The following MRPL20 variants were observed in gnomAD, a reference collection of about 807,000 sequenced individuals.
MRPL20 encodes large ribosomal subunit protein bL20m.
MRPL20 carries 21 observed loss-of-function variants against 20.0 expected under a neutral mutation model. The observed-to-expected ratio is 1.05, with a 90% CI of 0.74 to 1.51. The LOEUF (loss-of-function observed/expected upper bound fraction) is 1.51, where lower values mean the gene tolerates loss of function less well. Ranked by LOEUF, MRPL20 falls within the 40% of genes most tolerant of loss-of-function variation. MRPL20 has a pLI of 0.00. For synonymous variants in MRPL20, 104 were observed against 73.0 expected (o/e 1.43, Z -2.17); for missense variants, 252 against 185.6 (o/e 1.36, Z -2.08).
In MRPL20 at chr1:1,406,912, C is replaced by A. The variant is rs757664432; in HGVS notation, c.195G>T (p.Arg65Ser). 2 of 1,612,478 alleles carry A rather than the reference C, an allele frequency of 1.2e-6. No homozygotes were observed. The highest frequency in any genetic ancestry group is 2.2e-5 in the South Asian group (2 of 91,060). ...GGTGTCCCGGGTCCACGCTTACGGT[C>A]CTCATGTTCTTTTTCTTCAGGTATC... ...KARYLKKKNMRTLWINRITAA... is the reference protein window; with the variant it reads ...KARYLKKKNMSTLWINRITAA... The change falls in exon 2 of 4, where the codon AGG becomes AGT. Residue 65 changes from arginine to serine, a missense_variant. Coordinates refer to ENST00000344843, the MANE Select transcript of MRPL20 (RefSeq NM_017971.4).
In MRPL20 at chr1:1,407,227, AG is replaced by A. The variant is rs1490879731; in HGVS notation, c.-11del. ...CGGTGAGGAAGACCATGGCGCCTGC[AG>A]GCCGGCGTCCCGAACACTCAACAAC... is the stretch of plus-strand genomic sequence containing the variant. On this transcript the variant is annotated 5_prime_UTR_variant, in exon 1 of 4. Transcript: ENST00000344843. 3.8e-6 allele frequency: 6 copies of A among 1,589,830 alleles called. No homozygotes were observed. In the East Asian group the frequency reaches 1.1e-4, roughly 30 times the overall value.
chr1:1,404,106 A>G (rs1645360359), intron 3 of MRPL20, among the ~76,000 whole-genome samples: 1 of 151,464 alleles, frequency 6.6e-6, no homozygotes, highest in Admixed American at 6.6e-5. Flanking sequence ...CTGCCTCTCA[A>G]CATACTGGGA....
At position 1,407,272 on chromosome 1, in the gene MRPL20, C is replaced by G; in HGVS notation, c.-55G>C. 6.8e-7 allele frequency: 1 copy of G among 1,463,352 alleles called. No homozygotes were observed. The highest frequency in any genetic ancestry group is 9.3e-7 in the Non-Finnish European group (1 of 1,070,708). The allele number at this position is 1,463,352 out of a possible 1,614,324, so 90.6% of individuals were successfully genotyped here. On this transcript the variant is annotated 5_prime_UTR_variant, in exon 1 of 4. Transcript: ENST00000344843. ...CAACAACGCACGCGCAGCGCCGCTG[C>G]CATCTTGCCCGGGTCGGAAATGGTG...
intron 3 of MRPL20, chr1:1,402,718 C>CT: frequency 1.3e-6 from 1 of 796,024 alleles, no homozygotes; most frequent in Non-Finnish European, 1.5e-6. Context: ...GGCACGGTGT[C>CT]TCGCCTGTAA....
chr1:1,402,370 G>A, intron 3 of MRPL20, 114 bp from the exon 4 acceptor site: 1 of 1,438,618 alleles, frequency 7.0e-7, no homozygotes, highest in Non-Finnish European at 9.1e-7. Flanking sequence ...TGGGGGGAGG[G>A]AAGGCCTAGG....
At position 1,405,825 on chromosome 1, in the gene MRPL20, A is replaced by G. The variant is rs200566000; in HGVS notation, c.260T>C (p.Ile87Thr). Residue 87 changes from isoleucine to threonine, a missense_variant, in exon 3 of 4, where the codon ATT becomes ACT. Ile to Thr is a moderately conservative substitution (Grantham distance 89). Coordinates refer to ENST00000344843, the MANE Select transcript of MRPL20 (RefSeq NM_017971.4). ...CACCCATACCTTAACTAAATTCCCA[A>G]TGAGCGCTGGATACTTCAGTCCATG... Reference protein sequence around the residue: ...QEHGLKYPALIGNLVKCQVEL... With the variant: ...QEHGLKYPALTGNLVKCQVEL... The G allele has an allele frequency of 2.7e-5, 44 of 1,614,160 alleles. No individual in the cohort carries two copies. The East Asian group carries it at 5.3e-4, about 20-fold the overall frequency.
rs1254250911 is a variant in MRPL20, at chr1:1,405,793, A to C, written c.276+16T>G. 1.5e-5 allele frequency: 25 copies of C among 1,614,026 alleles called. No individual in the cohort carries two copies. Among genetic ancestry groups the C allele is most frequent in the Non-Finnish European group, 1.9e-5 (23 of 1,180,044 alleles). ...GATGTCCAGAATTTCAGTGGGACCC[A>C]CATACTCACCCATACCTTAACTAAA... On this transcript the variant is annotated intron_variant, in intron 3 of 3. Transcript: ENST00000344843.
intron 3 of MRPL20, among the ~76,000 whole-genome samples, chr1:1,404,753 C>T (rs1645367309): frequency 6.6e-6 from 1 of 152,156 alleles, no homozygotes; most frequent in African/African-American, 2.4e-5. Context: ...TCCGCCTCAG[C>T]CTTCCAAAGT....
At chr1:1,405,586 G>C (rs1272724690) in intron 3 of MRPL20, 2 of 770,458 alleles carry the variant, frequency 2.6e-6, no homozygotes, top group Non-Finnish European at 4.4e-6. Flanking sequence ...CCCCTCCTTA[G>C]GCAACGTGGT....
rs147211401 is a variant in MRPL20, at chr1:1,402,237, C to A, written c.296G>T (p.Arg99Met). 19 of 1,612,570 alleles carry A rather than the reference C, an allele frequency of 1.2e-5. No homozygotes were observed. The African/African-American group carries it at 2.5e-4, about 22-fold the overall frequency. Residue 99 changes from arginine to methionine, a missense_variant, in exon 4 of 4, where the codon AGG becomes ATG. By Grantham distance (91) the Arg-to-Met change is moderately conservative. Transcript: ENST00000344843. ...GATGGCCAGATCCGCTAGGACTTTC[C>A]TGTTGAGCTCCACCTGGCACTGAAA... ...NLVKCQVELN[R>M]KVLADLAIYE... is the part of the protein sequence containing the mutation.
At position 1,402,121 on chromosome 1, in the gene MRPL20, G is replaced by T. The variant is rs1645336110; in HGVS notation, c.412C>A (p.Pro138Thr). The T allele has an allele frequency of 3.7e-6, 6 of 1,613,942 alleles. No homozygotes were observed. The highest frequency in any genetic ancestry group is 5.1e-6 in the Non-Finnish European group (6 of 1,180,012). ...ACCACTCTGGAAAAAATGCCTTCAGGTTCCTTCCCATCCCCCAAGGCAGCA... is the reference window on the plus strand; with the variant it reads ...ACCACTCTGGAAAAAATGCCTTCAGTTTCCTTCCCATCCCCCAAGGCAGCA... Reference protein sequence around the residue: ...FAAALGDGKEPEGIFSRVVQY... With the variant: ...FAAALGDGKETEGIFSRVVQY... The change falls in exon 4 of 4, where the codon CCT (proline) becomes ACT (threonine). Residue 138 changes from proline (P) to threonine (T), a missense_variant. By Grantham distance (38) the Pro-to-Thr change is conservative (BLOSUM62 -1). Coordinates refer to ENST00000344843, the MANE Select transcript of MRPL20 (RefSeq NM_017971.4).
chr1:1,406,574 G>T, intron 2 of MRPL20: 1 of 368,670 alleles, frequency 2.7e-6, no homozygotes, highest in Non-Finnish European at 5.2e-6. Context: ...GGGCTGGGTT[G>T]ACTTCAGCTG....
At chr1:1,403,727 A>G (rs984023001) in intron 3 of MRPL20, among the ~76,000 whole-genome samples, 1 of 152,166 alleles carries the variant, frequency 6.6e-6, no homozygotes, top group Non-Finnish European at 1.5e-5. Flanking sequence ...CAGATTCAGT[A>G]ATCACCAAGA....
At position 1,402,194 on chromosome 1, in the gene MRPL20, G is replaced by T; in HGVS notation, c.339C>A (p.Phe113Leu). ...ADLAIYEPKTFKSLAALASRR... is the reference protein window; with the variant it reads ...ADLAIYEPKTLKSLAALASRR... ...TACTGGCCAAGGCAGCCAAAGATTTGAAAGTCTTTGGCTCGTAGATGGCCA... is the reference window on the plus strand; with the variant it reads ...TACTGGCCAAGGCAGCCAAAGATTTTAAAGTCTTTGGCTCGTAGATGGCCA... Residue 113 changes from phenylalanine to leucine, a missense_variant, in exon 4 of 4, where the codon TTC becomes TTA. By Grantham distance (22) the Phe-to-Leu change is conservative. Transcript: ENST00000344843. 6.2e-7 allele frequency: 1 copy of T among 1,614,054 alleles called. No homozygotes were observed. Among genetic ancestry groups the T allele is most frequent in the Non-Finnish European group, 8.5e-7 (1 of 1,180,012 alleles).
At position 1,406,992 on chromosome 1, in the gene MRPL20, A is replaced by T; in HGVS notation, c.115T>A (p.Tyr39Asn). ...RHFRGRKNRC[Y>N]RLAVRTVIRA... ...ATCACGGTTCTGACCGCCAACCTGT[A>T]GCAGCGATTTTTCCTTCCCCGGAAG... Residue 39 changes from tyrosine to asparagine, a missense_variant, in exon 2 of 4, where the codon TAC becomes AAC. Coordinates refer to ENST00000344843, the MANE Select transcript of MRPL20 (RefSeq NM_017971.4). The T allele has an allele frequency of 6.2e-7, 1 of 1,613,822 alleles. No homozygotes were observed. The highest frequency in any genetic ancestry group is 8.5e-7 in the Non-Finnish European group (1 of 1,179,768).
At chr1:1,405,553 C>A in intron 3 of MRPL20, 1 of 646,538 alleles carries the variant, frequency 1.5e-6, no homozygotes, top group Non-Finnish European at 2.8e-6. Context: ...TGACCTGCTC[C>A]GTTTCCAGCC....
chr1:1,405,450 A>AT, intron 3 of MRPL20: 1 of 592,396 alleles, frequency 1.7e-6, no homozygotes, highest in Non-Finnish European at 3.0e-6. Context: ...AGCAAATTTT[A>AT]TTTTTTTGTA....
At chr1:1,407,040 C>T in intron 1 of MRPL20, 21 bp from the exon 2 acceptor site, 1 of 1,612,096 alleles carries the variant, frequency 6.2e-7, no homozygotes, top group Non-Finnish European at 8.5e-7. Flanking sequence ...AAACGAGAAA[C>T]CAGGGTTGTC....
rs992281060 is a variant in MRPL20, at chr1:1,402,482, C to G, written c.277-226G>C. 3 of 1,301,590 alleles carry G rather than the reference C, an allele frequency of 2.3e-6. No homozygotes were observed. In the African/African-American group the frequency reaches 4.5e-5, roughly 20 times the overall value. 80.6% of individuals were successfully genotyped at this position (1,301,590 alleles called of 1,614,324 possible). A position where few individuals can be genotyped will look rare whatever the true frequency, so the allele number is the denominator to read the frequency against. The stretch of plus-strand genomic sequence containing the variant: ...AGCACCTGTGGAATCTGCAGGGAGG[C>G]TGGACTCCAGTCCTGATGTCGGCCC... On this transcript the variant is annotated intron_variant, in intron 3 of 3. Coordinates refer to ENST00000344843, the MANE Select transcript of MRPL20 (RefSeq NM_017971.4).
Sources: gnomAD v4.1 joint callset for allele counts (sites outside exome capture counted in the v4.1 genomes callset) on GRCh38, gnomAD v4.1.1 for gene constraint, MANE v1.5 for transcripts, NCBI Gene and HGNC (gene_info 2026-07-23, HGNC 2026-07-21) for gene names.